The following NDRG3 variants were observed in gnomAD, a reference collection of about 807,000 sequenced individuals.
NDRG3 encodes protein NDRG3.
Under a neutral mutation model 57.2 loss-of-function variants are expected in NDRG3, and 23 were observed. That is an observed-to-expected ratio of 0.40 (90% CI 0.29 to 0.57). The LOEUF (loss-of-function observed/expected upper bound fraction) is 0.57, where lower values mean the gene tolerates loss of function less well. NDRG3 is among the 20% of genes least tolerant of loss of function. The pLI, the probability that NDRG3 is intolerant of heterozygous loss-of-function variation, is 0.42. For missense variants in NDRG3, 384 were observed against 457.3 expected (o/e 0.84, Z 1.46); for synonymous variants, 132 against 162.6 (o/e 0.81, Z 1.43).
At chr20:36,729,412 T>A (rs1294873097) in intron 1 of NDRG3, among the ~76,000 whole-genome samples, 3 of 152,176 alleles carry the variant, frequency 2.0e-5, no homozygotes, top group Non-Finnish European at 4.4e-5. Context: ...TTGTTTAGGA[T>A]CTCAGATATG....
chr20:36,675,714 G>A (rs938070322), intron 8 of NDRG3, among the ~76,000 whole-genome samples: 1 of 151,092 alleles, frequency 6.6e-6, no homozygotes, highest in East Asian at 2.0e-4. Flanking sequence ...TAGAGATGGG[G>A]TCTCACTATG....
At chr20:36,693,382 G>C (rs1222851727) in intron 3 of NDRG3, among the ~76,000 whole-genome samples, 1 of 150,914 alleles carries the variant, frequency 6.6e-6, no homozygotes, top group East Asian at 2.0e-4. Flanking sequence ...TATAACTTTT[G>C]ATGCCCCCAA....
chr20:36,735,525 A>G (rs191318199), intron 1 of NDRG3, among the ~76,000 whole-genome samples: 5 of 152,154 alleles, frequency 3.3e-5, no homozygotes, highest in African/African-American at 1.2e-4. Context: ...TGGAACATAC[A>G]CTCAGAGCTA....
chr20:36,728,341 T>G (rs1441496691), intron 1 of NDRG3, among the ~76,000 whole-genome samples: 1 of 152,186 alleles, frequency 6.6e-6, no homozygotes, highest in African/African-American at 2.4e-5. Flanking sequence ...CGTGAGCCAC[T>G]GCGCCCAGCC....
At chr20:36,712,894 C>T (rs1397147885) in intron 2 of NDRG3, among the ~76,000 whole-genome samples, 1 of 151,758 alleles carries the variant, frequency 6.6e-6, no homozygotes, top group African/African-American at 2.4e-5. Flanking sequence ...CTGCACCTGC[C>T]CTGTTTCTTT....
At chr20:36,660,195 G>A (rs562405685) in intron 13 of NDRG3, 142 bp downstream of exon 13, 13 of 599,650 alleles carry the variant, frequency 2.2e-5, no homozygotes, top group Non-Finnish European at 2.5e-5. Context: ...GCAACACAGC[G>A]GGACTCTGTC....
At chr20:36,739,015 T>C (rs190650189) in intron 1 of NDRG3, among the ~76,000 whole-genome samples, 2 of 141,868 alleles carry the variant, frequency 1.4e-5, no homozygotes, top group Admixed American at 1.4e-4. Flanking sequence ...TCCCAGCTAC[T>C]TCCCAGCTAC....
intron 1 of NDRG3, among the ~76,000 whole-genome samples, chr20:36,744,713 G>C (rs975936279): frequency 6.6e-6 from 1 of 152,150 alleles, no homozygotes; most frequent in Non-Finnish European, 1.5e-5. Flanking sequence ...TAAATCATGG[G>C]AGGCTTCTTA....
At chr20:36,657,477 G>A (rs915981410) in intron 13 of NDRG3, among the ~76,000 whole-genome samples, 11 of 148,156 alleles carry the variant, frequency 7.4e-5, no homozygotes, top group Non-Finnish European at 1.3e-4. Flanking sequence ...GACAGAGTCC[G>A]TCTCCAGGAA....
At chr20:36,699,523 C>G (rs1185368343) in intron 3 of NDRG3, among the ~76,000 whole-genome samples, 4 of 152,110 alleles carry the variant, frequency 2.6e-5, no homozygotes, top group Non-Finnish European at 2.9e-5. Flanking sequence ...GTTGCTGGAA[C>G]CTGTCTTCTG....
chr20:36,669,133 C>T (rs221313), intron 9 of NDRG3, among the ~76,000 whole-genome samples: 47,718 of 151,322 alleles, frequency 0.32, 8,008 homozygotes, highest in Middle Eastern at 0.41. Context: ...CTCGGCTCAA[C>T]GCAACCTTCA....
intron 15 of NDRG3, chr20:36,654,733 T>C: frequency 1.3e-6 from 1 of 777,674 alleles, no homozygotes; most frequent in Non-Finnish European, 2.4e-6. Context: ...ACCGCGGACA[T>C]GCTGCAGGCA....
intron 2 of NDRG3, among the ~76,000 whole-genome samples, chr20:36,716,719 T>A (rs745998943): frequency 1.3e-5 from 2 of 152,112 alleles, no homozygotes; most frequent in Non-Finnish European, 2.9e-5. Context: ...CAGGGTTCAG[T>A]AGTATCTGAA....
At chr20:36,685,239 T>TA (rs1168960959) in intron 5 of NDRG3, among the ~76,000 whole-genome samples, 7 of 152,112 alleles carry the variant, frequency 4.6e-5, no homozygotes, top group Non-Finnish European at 7.4e-5. Flanking sequence ...ACCCTTAGCA[T>TA]GAATGCTTAT....
chr20:36,743,817 C>CA (rs1202556948), intron 1 of NDRG3, among the ~76,000 whole-genome samples: 3 of 142,690 alleles, frequency 2.1e-5, no homozygotes, highest in African/African-American at 5.2e-5. Context: ...GACTCCGTCT[C>CA]AAAAAACAAA....
At chr20:36,731,703 G>A (rs920543598) in intron 1 of NDRG3, among the ~76,000 whole-genome samples, 8 of 151,838 alleles carry the variant, frequency 5.3e-5, no homozygotes, top group African/African-American at 1.7e-4. Context: ...CCAGCTACTC[G>A]GGAGGCTGAG....
chr20:36,717,464 T>A lies in NDRG3; in HGVS notation c.57+4215A>T, dbSNP rs1034855450. 8.5e-5 allele frequency among the ~76,000 whole-genome samples: 13 copies of A among 152,302 alleles called. No individual in the cohort carries two copies. The East Asian group carries it at 1.7e-3, about 20-fold the overall frequency. Reference sequence around the variant, plus strand: ...TAGGCTTCTCCTTAAAGAGACAGGGTAAGCCACAAAGGTGATGCCAAAACA... The same window carrying A: ...TAGGCTTCTCCTTAAAGAGACAGGGAAAGCCACAAAGGTGATGCCAAAACA... On this transcript the variant is annotated intron_variant, in intron 2 of 15. Transcript: ENST00000349004.
In NDRG3 at chr20:36,651,959, T is replaced by G. The variant is rs189656226; in HGVS notation, c.*1561A>C. On this transcript the variant is annotated 3_prime_UTR_variant, in exon 16 of 16. Transcript: ENST00000349004. ...GAGCTGGGCTCTTGCTATGTGGTAG[T>G]TGGTCTCCACAATTCTCTCACCCTC... 6.6e-6 allele frequency: 1 copy of G among 152,342 alleles called. No individual in the cohort carries two copies. Among genetic ancestry groups the G allele is most frequent in the Admixed American group, 6.5e-5 (1 of 15,302 alleles). 9.4% of individuals were successfully genotyped at this position (152,342 alleles called of 1,614,324 possible).
At chr20:36,693,125 T>TACACACACAC (rs71186014) in intron 3 of NDRG3, among the ~76,000 whole-genome samples, 1 of 62,140 alleles carries the variant, frequency 1.6e-5, no homozygotes, top group Non-Finnish European at 2.9e-5. Context: ...TATATATATA[T>TACACACACAC]ATATATATAT....
Sources: gnomAD v4.1 joint callset for allele counts (sites outside exome capture counted in the v4.1 genomes callset) on GRCh38, gnomAD v4.1.1 for gene constraint, MANE v1.5 for transcripts, NCBI Gene and HGNC (gene_info 2026-07-23, HGNC 2026-07-21) for gene names.